The following SNTN variants were observed in gnomAD, a reference collection of about 807,000 sequenced individuals.
SNTN encodes sentan.
In SNTN, 13 loss-of-function variants were observed where a neutral mutation model predicts 12.3. That is an observed-to-expected ratio of 1.05 (90% CI 0.69 to 1.67). SNTN has a LOEUF of 1.67. SNTN is among the 40% of genes most tolerant of loss of function. The pLI is 0.00. For synonymous variants in SNTN, 69 were observed against 58.5 expected (o/e 1.18, Z -0.82); for missense variants, 189 against 169.8 (o/e 1.11, Z -0.63).
At position 63,654,816 on chromosome 3, in the gene SNTN, G is replaced by T; in HGVS notation, c.145+20G>T. ...TGAAAGGTAAGGCACAGATGACGCA[G>T]ATGTACATTTTTCTCCTCTACCAAG... On this transcript the variant is annotated intron_variant, in intron 2 of 3. Transcript: ENST00000343837. 1.2e-6 allele frequency: 2 copies of T among 1,610,476 alleles called. No individual in the cohort carries two copies. The highest frequency in any genetic ancestry group is 1.7e-6 in the Non-Finnish European group (2 of 1,178,140).
In SNTN at chr3:63,661,223, T is replaced by G. The variant is rs557264217; in HGVS notation, c.285+1359T>G. Among the ~76,000 whole-genome samples the G allele has an allele frequency of 3.9e-5, 6 of 152,312 alleles. No individual in the cohort carries two copies. The South Asian group carries it at 1.2e-3, about 32-fold the overall frequency. The stretch of plus-strand genomic sequence containing the variant: ...ATTCATACTTTGGAAAATACCAGCC[T>G]AGGGAAAATGTGTAAGAGGAAAAGA... On this transcript the variant is annotated intron_variant, in intron 3 of 3. Coordinates refer to ENST00000343837, the MANE Select transcript of SNTN (RefSeq NM_001080537.2).
chr3:63,655,219 G>A (rs1700664192), intron 2 of SNTN, among the ~76,000 whole-genome samples: 1 of 152,176 alleles, frequency 6.6e-6, no homozygotes, highest in Non-Finnish European at 1.5e-5. Context: ...ACCTCTCGAA[G>A]TGTAAATATT....
chr3:63,662,037 C>T (rs1438680451), intron 3 of SNTN, among the ~76,000 whole-genome samples: 1 of 152,126 alleles, frequency 6.6e-6, no homozygotes, highest in Admixed American at 6.5e-5. Context: ...TTCTGGATCT[C>T]TCTAGCAGCA....
intron 2 of SNTN, 55 bp downstream of exon 2, chr3:63,654,851 C>A: frequency 1.3e-6 from 2 of 1,496,992 alleles, no homozygotes; most frequent in Non-Finnish European, 1.8e-6. Context: ...GATGGCATGC[C>A]AAGTGTTAAA....
chr3:63,654,449 G>C (rs34924002), intron 1 of SNTN, among the ~76,000 whole-genome samples: 25,630 of 152,082 alleles, frequency 0.17, 2,216 homozygotes, highest in African/African-American at 0.2. Context: ...ATGGGGAAAA[G>C]CATGGAGGAG....
chr3:63,653,888 C>G (rs1700647461), intron 1 of SNTN, among the ~76,000 whole-genome samples: 1 of 152,136 alleles, frequency 6.6e-6, no homozygotes. Flanking sequence ...CCTTTAACCA[C>G]TATCTCCTTC....
At chr3:63,656,994 T>A (rs1192606215) in intron 2 of SNTN, among the ~76,000 whole-genome samples, 1 of 152,160 alleles carries the variant, frequency 6.6e-6, no homozygotes, top group Admixed American at 6.5e-5. Flanking sequence ...GTGAGTTGAG[T>A]CATGTGCATT....
Position 63,664,246 on chromosome 3 carries a change from C to A in SNTN, c.*151C>A. The stretch of plus-strand genomic sequence containing the variant: ...CTGGTATTCAGATCCAATGTAACTC[C>A]AAATATTTACCCATACACTTCAAGA... On this transcript the variant is annotated 3_prime_UTR_variant, in exon 4 of 4. Coordinates refer to ENST00000343837, the MANE Select transcript of SNTN (RefSeq NM_001080537.2). 1 of 670,190 alleles carries A rather than the reference C, an allele frequency of 1.5e-6. No homozygotes were observed. The highest frequency in any genetic ancestry group is 2.4e-6 in the Non-Finnish European group (1 of 408,330). The allele number at this position is 670,190 out of a possible 1,614,324, so 41.5% of individuals were successfully genotyped here. A position where few individuals can be genotyped will look rare whatever the true frequency, so the allele number is the denominator to read the frequency against.
intron 1 of SNTN, among the ~76,000 whole-genome samples, chr3:63,654,544 C>T (rs1700654728): frequency 6.6e-6 from 1 of 152,180 alleles, no homozygotes; most frequent in Non-Finnish European, 1.5e-5. Context: ...ACAAGGAAGA[C>T]TGATATACGT....
At chr3:63,656,129 A>G (rs549304513) in intron 2 of SNTN, among the ~76,000 whole-genome samples, 2 of 152,210 alleles carry the variant, frequency 1.3e-5, no homozygotes, top group African/African-American at 2.4e-5. Flanking sequence ...AAATGAGGAG[A>G]TTCTTTCATT....
intron 3 of SNTN, among the ~76,000 whole-genome samples, chr3:63,660,094 A>T (rs1231593757): frequency 6.6e-6 from 1 of 152,174 alleles, no homozygotes; most frequent in Non-Finnish European, 1.5e-5. Context: ...TAGTCAAAGG[A>T]TGTGAAAGAG....
At chr3:63,654,865 A>C in intron 2 of SNTN, 69 bp downstream of exon 2, 1 of 1,375,980 alleles carries the variant, frequency 7.3e-7, no homozygotes. Flanking sequence ...TGTTAAAAAA[A>C]AATAATAGGA....
rs1700772447 is a variant in SNTN, at chr3:63,663,994, G to A, written c.343G>A (p.Glu115Lys). 2 of 1,613,994 alleles carry A rather than the reference G, an allele frequency of 1.2e-6. No individual in the cohort carries two copies. Among genetic ancestry groups the A allele is most frequent in the Non-Finnish European group, 1.7e-6 (2 of 1,179,970 alleles). ...CCTTTCTGAACTTGATGAGCACACA[G>A]AAAATAAGCTAGATTTTGAAGACTT... ...EILSELDEHT[E>K]NKLDFEDFMI... Residue 115 changes from glutamate to lysine, a missense_variant, in exon 4 of 4, where the codon GAA becomes AAA. Transcript: ENST00000343837.
At chr3:63,655,038 C>T (rs1700661374) in intron 2 of SNTN, among the ~76,000 whole-genome samples, 1 of 152,150 alleles carries the variant, frequency 6.6e-6, no homozygotes, top group Admixed American at 6.6e-5. Context: ...CATGGATCCC[C>T]TGGCTCCTAA....
chr3:63,655,975 G>A (rs1700675316), intron 2 of SNTN, among the ~76,000 whole-genome samples: 1 of 152,146 alleles, frequency 6.6e-6, no homozygotes. Flanking sequence ...GAAGCACTGG[G>A]AAAATTACTG....
intron 1 of SNTN, among the ~76,000 whole-genome samples, chr3:63,654,315 T>C (rs1700652856): frequency 6.6e-6 from 1 of 152,218 alleles, no homozygotes; most frequent in African/African-American, 2.4e-5. Flanking sequence ...CTTTGCCATG[T>C]GACAGTCCAG....
intron 3 of SNTN, among the ~76,000 whole-genome samples, chr3:63,662,285 T>C (rs909072299): frequency 2.6e-5 from 4 of 152,198 alleles, no homozygotes; most frequent in African/African-American, 9.6e-5. Flanking sequence ...TCAATCCCCA[T>C]GTTGCGTCCC....
intron 2 of SNTN, among the ~76,000 whole-genome samples, chr3:63,658,711 G>C (rs1385279302): frequency 6.6e-6 from 1 of 152,036 alleles, no homozygotes; most frequent in East Asian, 1.9e-4. Context: ...CCCCACATCT[G>C]GTCTTGTCCG....
At chr3:63,652,874 G>C in intron 1 of SNTN, 77 bp downstream of exon 1, 1 of 1,366,716 alleles carries the variant, frequency 7.3e-7, no homozygotes, top group Non-Finnish European at 1.0e-6. Context: ...TATGTCAACA[G>C]CTTTATAAGC....
Sources: allele counts gnomAD v4.1 joint callset (sites outside exome capture counted in the v4.1 genomes callset), GRCh38; gene constraint gnomAD v4.1.1; transcripts MANE v1.5; gene names NCBI Gene and HGNC (gene_info 2026-07-23, HGNC 2026-07-21).